The following TTC12 variants were observed in gnomAD, a reference collection of about 807,000 sequenced individuals.
TTC12 encodes tetratricopeptide repeat domain 12.
In TTC12, 70 loss-of-function variants were observed where a neutral mutation model predicts 90.1. The observed-to-expected ratio is 0.78, with a 90% CI of 0.64 to 0.95. The LOEUF is 0.95. Among genes scored for constraint, TTC12 ranks in the 40% least tolerant of loss-of-function variants. The probability of loss-of-function intolerance (pLI) is 0.00; values close to 1 mark genes in which losing one functional copy is unlikely to be tolerated. For missense variants in TTC12, 819 were observed against 846.1 expected, an observed-to-expected ratio of 0.97 and a Z score of 0.40; for synonymous variants, 296 against 311.5, an observed-to-expected ratio of 0.95 and a Z score of 0.53.
intron 13 of TTC12, among the ~76,000 whole-genome samples, chr11:113,348,089 G>A (rs1949072809): frequency 6.6e-6 from 1 of 152,192 alleles, no homozygotes. Context: ...TTCGTCAAGA[G>A]GCAAAGGGTG....
intron 13 of TTC12, among the ~76,000 whole-genome samples, chr11:113,346,057 AG>A (rs1447993886): frequency 1.3e-5 from 2 of 152,178 alleles, no homozygotes; most frequent in East Asian, 1.9e-4. Context: ...GAAGCAAGAC[AG>A]GGCTGCTGCA....
intron 7 of TTC12, among the ~76,000 whole-genome samples, chr11:113,331,533 A>G (rs377060512): frequency 1.3e-5 from 2 of 152,334 alleles, no homozygotes; most frequent in African/African-American, 4.8e-5. Context: ...CCTTGCTCTT[A>G]AACCTCTATA....
chr11:113,321,038 A>G (rs1225278233), intron 2 of TTC12, among the ~76,000 whole-genome samples: 1 of 152,230 alleles, frequency 6.6e-6, no homozygotes, highest in Non-Finnish European at 1.5e-5. Context: ...TTTAAAAAAG[A>G]AATTATATTA....
At chr11:113,342,731 G>A (rs1477699583) in intron 12 of TTC12, among the ~76,000 whole-genome samples, 1 of 152,034 alleles carries the variant, frequency 6.6e-6, no homozygotes, top group Non-Finnish European at 1.5e-5. Flanking sequence ...TGAAAATCTA[G>A]ACAATACAAA....
rs1487792206 is a variant in TTC12, at chr11:113,338,653, A to G, written c.577-121A>G. 4.3e-6 allele frequency: 3 copies of G among 692,026 alleles called. No homozygotes were observed. The African/African-American group carries it at 5.4e-5, about 13-fold the overall frequency. 42.9% of individuals were successfully genotyped at this position (692,026 alleles called of 1,614,324 possible). Reference sequence around the variant, plus strand: ...TTGTGTTCCTATGCCTGTCTCCTGCACTGGGAGCAGGAGGAGGTGAGGAGA... The same window carrying G: ...TTGTGTTCCTATGCCTGTCTCCTGCGCTGGGAGCAGGAGGAGGTGAGGAGA... On this transcript the variant is annotated intron_variant, in intron 8 of 21. Coordinates refer to ENST00000529221, the MANE Select transcript of TTC12 (RefSeq NM_017868.4).
chr11:113,339,674 C>T (rs1948576759), intron 10 of TTC12, 200 bp downstream of exon 10: 1 of 512,940 alleles, frequency 1.9e-6, no homozygotes, highest in Non-Finnish European at 3.4e-6. Context: ...AGCATGCGTA[C>T]ACTCAGCACA....
chr11:113,316,109 C>CT, intron 1 of TTC12, 134 bp from the exon 2 acceptor site: 1 of 417,676 alleles, frequency 2.4e-6, no homozygotes, highest in Non-Finnish European at 4.3e-6. Context: ...GATCACCCTG[C>CT]TGTTATTCAT....
chr11:113,333,834 A>G (rs1169181933), intron 7 of TTC12, among the ~76,000 whole-genome samples: 2 of 152,072 alleles, frequency 1.3e-5, no homozygotes, highest in Non-Finnish European at 2.9e-5. Context: ...TATTGTTGTT[A>G]TTCTTCTCTC....
chr11:113,347,920 AACTCCATCACAGTGATTGTCAGG>A (rs1555148676), intron 13 of TTC12, among the ~76,000 whole-genome samples: 1 of 152,140 alleles, frequency 6.6e-6, no homozygotes. Flanking sequence ...CTCTTCTGGA[AACTCCATCACAGTGATTGTCAGG>A]ACACCATCCT....
chr11:113,342,670 T>C (rs1272572943), intron 12 of TTC12, among the ~76,000 whole-genome samples: 1 of 152,174 alleles, frequency 6.6e-6, no homozygotes, highest in Admixed American at 6.5e-5. Flanking sequence ...ATACCTTTTT[T>C]TTTCTTCTTT....
At chr11:113,360,087 T>A in intron 18 of TTC12, 79 bp downstream of exon 18, 2 of 1,107,126 alleles carry the variant, frequency 1.8e-6, no homozygotes, top group Non-Finnish European at 2.6e-6. Flanking sequence ...TTATTATCAG[T>A]GTAATCTTTT....
intron 6 of TTC12, among the ~76,000 whole-genome samples, chr11:113,328,015 T>C (rs2137944597): frequency 6.6e-6 from 1 of 152,334 alleles, no homozygotes; most frequent in South Asian, 2.1e-4. Context: ...AGTTGCAACA[T>C]TGACCCCACA....
In TTC12 at chr11:113,346,265, T is replaced by C. The variant is rs139767288; in HGVS notation, c.1154+1825T>C. Among the ~76,000 whole-genome samples the C allele has an allele frequency of 4.4e-3, 673 of 152,196 alleles. 2 individuals are homozygous for C. The highest frequency in any genetic ancestry group is 8.8e-3 in the Admixed American group (135 of 15,290). ...CTGCTTGTGTGACCCAGGAAAGTTA[T>C]TTAGCATGGACAGGCCCCGGCATCT... is the stretch of plus-strand genomic sequence containing the variant. On this transcript the variant is annotated intron_variant, in intron 13 of 21. Coordinates refer to ENST00000529221, the MANE Select transcript of TTC12 (RefSeq NM_017868.4).
At chr11:113,365,496 ACGGC>A in intron 21 of TTC12, 1 of 210,616 alleles carries the variant, frequency 4.7e-6, no homozygotes, top group South Asian at 9.3e-5. Context: ...AAATGGAGGA[ACGGC>A]CAGCAAGGGT....
downstream of TTC12, chr11:113,368,170 T>C (rs1406970578): frequency 1.4e-6 from 2 of 1,404,894 alleles, no homozygotes; most frequent in Admixed American, 4.3e-5. Context: ...ATTACGTTAT[T>C]ATGTTTATTG....
At chr11:113,318,214 T>C (rs1947071269) in intron 2 of TTC12, among the ~76,000 whole-genome samples, 1 of 152,090 alleles carries the variant, frequency 6.6e-6, no homozygotes. Flanking sequence ...AACAGTAATT[T>C]CAAGTATGCA....
At chr11:113,352,411 T>G (rs1949353556) in intron 16 of TTC12, among the ~76,000 whole-genome samples, 2 of 152,014 alleles carry the variant, frequency 1.3e-5, no homozygotes. Flanking sequence ...CTGGGGAGAT[T>G]TGAAGGATTT....
intron 13 of TTC12, among the ~76,000 whole-genome samples, chr11:113,349,619 T>C (rs1217814081): frequency 6.6e-6 from 1 of 152,234 alleles, no homozygotes; most frequent in Non-Finnish European, 1.5e-5. Context: ...CTTAACCCTA[T>C]TAAATTTAAT....
chr11:113,330,133 G>A (rs935506851), intron 7 of TTC12, among the ~76,000 whole-genome samples, 154 bp downstream of exon 7: 3 of 152,154 alleles, frequency 2.0e-5, no homozygotes, highest in Non-Finnish European at 4.4e-5. Flanking sequence ...TTGTTAGGAG[G>A]GTCACGACAA....
Sources: gnomAD v4.1 joint callset for allele counts (sites outside exome capture counted in the v4.1 genomes callset) on GRCh38, gnomAD v4.1.1 for gene constraint, MANE v1.5 for transcripts, NCBI Gene and HGNC (gene_info 2026-07-23, HGNC 2026-07-21) for gene names.